PTPRD: variants seen among roughly 807,000 people sequenced by gnomAD.
PTPRD encodes the protein protein tyrosine phosphatase receptor type D, also known as receptor-type tyrosine-protein phosphatase delta.
Under a neutral mutation model 214.5 loss-of-function variants are expected in PTPRD, and 34 were observed. The observed-to-expected ratio is 0.16, with a 90% CI of 0.12 to 0.21. The LOEUF is 0.21. Among genes scored for constraint, PTPRD ranks in the 10% least tolerant of loss-of-function variants. The pLI is 1.00. For missense variants in PTPRD, 2,545 were observed against 2,398.7 expected (o/e 1.06, Z -1.27); for synonymous variants, 1,128 against 845.7 (o/e 1.33, Z -5.79).
At chr9:10,103,023 T>C (rs1424943272) in intron 3 of PTPRD, among the ~76,000 whole-genome samples, 1 of 151,620 alleles carries the variant, frequency 6.6e-6, no homozygotes, top group Non-Finnish European at 1.5e-5. Flanking sequence ...GGACTTAATG[T>C]CTAGAAACCA....
intron 14 of PTPRD, among the ~76,000 whole-genome samples, chr9:8,630,930 G>A (rs2096233246): frequency 6.6e-6 from 1 of 151,858 alleles, no homozygotes; most frequent in African/African-American, 2.4e-5. Context: ...CAAGGGATTT[G>A]GAAAGTGAGA....
At chr9:9,962,585 C>T (rs1395019459) in intron 4 of PTPRD, among the ~76,000 whole-genome samples, 1 of 151,998 alleles carries the variant, frequency 6.6e-6, no homozygotes, top group Admixed American at 6.5e-5. Context: ...CCCTTTTTTT[C>T]TACAACTGCC....
chr9:10,065,141 T>TAGAAAGAAAGACAGAAAGAAAGAA (rs2097851634), intron 3 of PTPRD, among the ~76,000 whole-genome samples: 1 of 106,732 alleles, frequency 9.4e-6, no homozygotes, highest in South Asian at 3.7e-4. Context: ...TGACTTGGAT[T>TAGAAAGAAAGACAGAAAGAAAGAA]AGAAAGAAAG....
intron 11 of PTPRD, among the ~76,000 whole-genome samples, chr9:8,818,219 T>C (rs1457812159): frequency 2.0e-5 from 3 of 150,206 alleles, no homozygotes; most frequent in Non-Finnish European, 4.5e-5. Context: ...AACATAAAAT[T>C]GTATACCTCA....
At chr9:9,271,304 G>C (rs1489745259) in intron 9 of PTPRD, among the ~76,000 whole-genome samples, 2 of 149,258 alleles carry the variant, frequency 1.3e-5, no homozygotes, top group African/African-American at 4.9e-5. Context: ...AAAAACATCT[G>C]TGAACTTTCT....
chr9:9,198,034 CAAA>C (rs984824878), intron 9 of PTPRD, among the ~76,000 whole-genome samples: 2 of 151,988 alleles, frequency 1.3e-5, no homozygotes, highest in Admixed American at 1.3e-4. Context: ...TGAAAGAACA[CAAA>C]AAGGCTACTG....
At chr9:8,436,390 A>G (rs897439204) in intron 35 of PTPRD, among the ~76,000 whole-genome samples, 1 of 152,242 alleles carries the variant, frequency 6.6e-6, no homozygotes, top group Non-Finnish European at 1.5e-5. Context: ...TTGAACAAAC[A>G]TAAAATTAAC....
intron 9 of PTPRD, among the ~76,000 whole-genome samples, chr9:9,324,793 T>G (rs1010821872): frequency 6.6e-6 from 1 of 152,124 alleles, no homozygotes. Flanking sequence ...TGGTATTGCC[T>G]AGGTTTTCCT....
rs1402111659 is a variant in PTPRD, at chr9:9,674,726, C to T, written c.-287+59807G>A. ...TCGTTAGGGTAATAAAATGTCACTA[C>T]ATTATGATAAAATATTTGATTTACT... On this transcript the variant is annotated intron_variant, in intron 7 of 45. Coordinates refer to ENST00000381196, the MANE Select transcript of PTPRD (RefSeq NM_002839.4). Among the ~76,000 whole-genome samples, 7 of 151,726 alleles carry T rather than the reference C, an allele frequency of 4.6e-5. No individual in the cohort carries two copies. In the South Asian group the frequency reaches 1.2e-3, roughly 27 times the overall value.
intron 11 of PTPRD, among the ~76,000 whole-genome samples, chr9:8,885,853 A>G (rs913866218): frequency 6.6e-6 from 1 of 152,146 alleles, no homozygotes; most frequent in Non-Finnish European, 1.5e-5. Flanking sequence ...GCTTTCTATA[A>G]TTATGAACAT....
chr9:10,221,317 A>G (rs967124704), intron 3 of PTPRD, among the ~76,000 whole-genome samples: 1 of 152,010 alleles, frequency 6.6e-6, no homozygotes, highest in Non-Finnish European at 1.5e-5. Flanking sequence ...ATACGCAAAC[A>G]CAGACACACA....
At chr9:10,438,008 C>CAT (rs71485332) in intron 2 of PTPRD, among the ~76,000 whole-genome samples, 16,439 of 124,660 alleles carry the variant, frequency 0.13, 1,764 homozygotes, top group East Asian at 0.56. Flanking sequence ...CCTAAGTCTA[C>CAT]ATATATATAT....
chr9:9,969,818 T>C (rs2094964525), intron 4 of PTPRD, among the ~76,000 whole-genome samples: 1 of 152,184 alleles, frequency 6.6e-6, no homozygotes, highest in African/African-American at 2.4e-5. Context: ...AAAATTAACA[T>C]GTCTTCCCAC....
chr9:9,959,882 T>C (rs970041176), intron 4 of PTPRD, among the ~76,000 whole-genome samples: 1 of 152,200 alleles, frequency 6.6e-6, no homozygotes, highest in African/African-American at 2.4e-5. Flanking sequence ...TGAACTCATA[T>C]TTAGCATAAT....
At chr9:8,532,474 T>A (rs1363370067) in intron 14 of PTPRD, among the ~76,000 whole-genome samples, 1 of 152,048 alleles carries the variant, frequency 6.6e-6, no homozygotes, top group Non-Finnish European at 1.5e-5. Context: ...ATATCCTTAA[T>A]AACTTAACCA....
chr9:9,057,145 A>C (rs2099697814), intron 10 of PTPRD, among the ~76,000 whole-genome samples: 1 of 152,226 alleles, frequency 6.6e-6, no homozygotes, highest in African/African-American at 2.4e-5. Flanking sequence ...ATCTGATTGC[A>C]GGAAACAGAA....
intron 9 of PTPRD, among the ~76,000 whole-genome samples, chr9:9,391,201 T>C (rs975867971): frequency 6.6e-6 from 1 of 152,252 alleles, no homozygotes; most frequent in South Asian, 2.1e-4. Flanking sequence ...AGCCCCCAAA[T>C]TGAAAGTGAG....
At chr9:10,424,712 A>G (rs2098596213) in intron 2 of PTPRD, among the ~76,000 whole-genome samples, 1 of 151,968 alleles carries the variant, frequency 6.6e-6, no homozygotes, top group African/African-American at 2.4e-5. Flanking sequence ...ATAAATGGTA[A>G]ATGACCACCA....
chr9:9,627,072 G>C (rs993507911), intron 7 of PTPRD, among the ~76,000 whole-genome samples: 5 of 152,176 alleles, frequency 3.3e-5, no homozygotes, highest in African/African-American at 1.2e-4. Flanking sequence ...CCCACACTTT[G>C]GGAGGCCAAG....
Sources: allele counts gnomAD v4.1 joint callset (sites outside exome capture counted in the v4.1 genomes callset), GRCh38; gene constraint gnomAD v4.1.1; transcripts MANE v1.5; gene names NCBI Gene and HGNC (gene_info 2026-07-23, HGNC 2026-07-21).